ZNF644: variants seen among roughly 807,000 people sequenced by gnomAD.
ZNF644 encodes zinc finger protein 644.
Under a neutral mutation model 108.0 loss-of-function variants are expected in ZNF644, and 20 were observed. The observed-to-expected ratio is 0.19, with a 90% CI of 0.13 to 0.27. The LOEUF is 0.27. Ranked by LOEUF, ZNF644 falls within the 10% of genes least tolerant of loss-of-function variation. The pLI, the probability that ZNF644 is intolerant of heterozygous loss-of-function variation, is 1.00. For missense variants in ZNF644, 1,338 were observed against 1,548.9 expected (o/e 0.86, Z 2.29); for synonymous variants, 542 against 539.1 (o/e 1.01, Z -0.08).
At chr1:91,005,947 AAAAATC>A (rs1659381302) in intron 1 of ZNF644, among the ~76,000 whole-genome samples, 1 of 152,112 alleles carries the variant, frequency 6.6e-6, no homozygotes, top group South Asian at 2.1e-4. Context: ...TAGAGAAAAA[AAAAATC>A]AATCAACCCA....
chr1:90,919,066 AAAAC>A (rs1281209183), intron 4 of ZNF644, among the ~76,000 whole-genome samples: 1 of 152,114 alleles, frequency 6.6e-6, no homozygotes, highest in Non-Finnish European at 1.5e-5. Flanking sequence ...TATTTATTCT[AAAAC>A]AACCTGATTT....
chr1:90,932,762 T>G (rs188525875), intron 4 of ZNF644, among the ~76,000 whole-genome samples: 1,815 of 152,222 alleles, frequency 0.012, 39 homozygotes, highest in African/African-American at 0.042. Context: ...GCTCTACTGA[T>G]CAAGAAGATT....
At chr1:91,013,800 G>T (rs921288893) in intron 1 of ZNF644, among the ~76,000 whole-genome samples, 1 of 152,046 alleles carries the variant, frequency 6.6e-6, no homozygotes, top group African/African-American at 2.4e-5. Context: ...AATACTAACA[G>T]ATTTTGAAGA....
intron 1 of ZNF644, among the ~76,000 whole-genome samples, chr1:90,991,051 A>C (rs1462144275): frequency 6.6e-6 from 1 of 152,224 alleles, no homozygotes; most frequent in Admixed American, 6.5e-5. Flanking sequence ...ACTTTATTAC[A>C]TGTCAATTAT....
In ZNF644 at chr1:90,937,660, G is replaced by A; in HGVS notation, c.3513C>T (p.Leu1171=). 3 of 1,613,914 alleles carry A rather than the reference G, an allele frequency of 1.9e-6. No homozygotes were observed. Among genetic ancestry groups the A allele is most frequent in the African/African-American group, 1.3e-5 (1 of 75,028 alleles). Residue 1171 remains leucine, a synonymous_variant, in exon 4 of 6, where the codon CTC becomes CTT. Coordinates refer to ENST00000337393, the MANE Select transcript of ZNF644 (RefSeq NM_201269.3). ...TCCTTTTATTTTTAAGAAGTTCTAT[G>A]AGTGTAAGAGACTGATTCTTTTTCC... The part of the protein sequence containing the change: ...PSGKKNQSLT[L]IELLKNKRMG...
chr1:90,980,615 A>G (rs560266976), intron 2 of ZNF644, among the ~76,000 whole-genome samples: 2 of 152,336 alleles, frequency 1.3e-5, no homozygotes, highest in Non-Finnish European at 2.9e-5. Flanking sequence ...ATACAATGGA[A>G]TATTACTAAA....
intron 1 of ZNF644, among the ~76,000 whole-genome samples, chr1:90,992,028 TA>T (rs1367788829): frequency 6.6e-6 from 1 of 151,210 alleles, no homozygotes; most frequent in East Asian, 1.9e-4. Flanking sequence ...TACGTTGAGT[TA>T]AAAAAAAACT....
chr1:90,985,552 G>A (rs562357584), intron 1 of ZNF644, among the ~76,000 whole-genome samples: 5 of 152,196 alleles, frequency 3.3e-5, no homozygotes, highest in African/African-American at 7.2e-5. Context: ...GTTAGATTAC[G>A]TGGTGTTTGT....
At chr1:90,918,031 T>C (rs373860590) in intron 5 of ZNF644, 21 bp downstream of exon 5, 344 of 1,587,102 alleles carry the variant, frequency 2.2e-4, no homozygotes, top group Non-Finnish European at 2.8e-4. Context: ...ACTGATCAGA[T>C]TTGGCAATAT....
intron 1 of ZNF644, among the ~76,000 whole-genome samples, chr1:90,999,999 A>G (rs942183586): frequency 6.6e-6 from 1 of 152,250 alleles, no homozygotes. Flanking sequence ...TATCCTAAAT[A>G]TATATGCACC....
At chr1:91,011,210 C>T (rs759502303) in intron 1 of ZNF644, among the ~76,000 whole-genome samples, 5 of 152,062 alleles carry the variant, frequency 3.3e-5, no homozygotes, top group Non-Finnish European at 5.9e-5. Flanking sequence ...ATTATTTCTT[C>T]AAGACAAATA....
At chr1:91,010,252 T>C (rs1404775281) in intron 1 of ZNF644, among the ~76,000 whole-genome samples, 4 of 150,456 alleles carry the variant, frequency 2.7e-5, no homozygotes, top group Non-Finnish European at 4.4e-5. Flanking sequence ...TTTTTTTTTT[T>C]TTTCTGAGAC....
chr1:90,993,299 C>T (rs763512225), intron 1 of ZNF644, among the ~76,000 whole-genome samples: 1 of 151,612 alleles, frequency 6.6e-6, no homozygotes, highest in Non-Finnish European at 1.5e-5. Context: ...AAACTACAGC[C>T]AGCTCAATAT....
intron 4 of ZNF644, among the ~76,000 whole-genome samples, chr1:90,919,485 T>C (rs770729578): frequency 3.3e-5 from 5 of 152,118 alleles, no homozygotes; most frequent in Admixed American, 6.5e-5. Context: ...AAATGTCATA[T>C]AGAAAATTCA....
intron 1 of ZNF644, among the ~76,000 whole-genome samples, chr1:91,000,998 C>T (rs1359858739): frequency 6.6e-6 from 1 of 152,118 alleles, no homozygotes; most frequent in Non-Finnish European, 1.5e-5. Context: ...GAAGGTGAAT[C>T]CCTGAATAGA....
chr1:90,959,764 T>C (rs1483782704), intron 2 of ZNF644, among the ~76,000 whole-genome samples: 1 of 152,108 alleles, frequency 6.6e-6, no homozygotes, highest in Non-Finnish European at 1.5e-5. Context: ...TTTTATGGGG[T>C]GATGAAACAC....
chr1:90,918,038 AT>A lies in ZNF644; in HGVS notation c.3791+13del. Reference sequence around the variant, plus strand: ...ATGAAGAAACTGATCAGATTTGGCAATATAGGCATATACCTGCATCGGAGAA... The same window carrying A: ...ATGAAGAAACTGATCAGATTTGGCAAATAGGCATATACCTGCATCGGAGAA... On this transcript the variant is annotated intron_variant, in intron 5 of 5. Coordinates refer to ENST00000337393, the MANE Select transcript of ZNF644 (RefSeq NM_201269.3). 1 of 1,603,988 alleles carries A rather than the reference AT, an allele frequency of 6.2e-7. No homozygotes were observed. The highest frequency in any genetic ancestry group is 8.5e-7 in the Non-Finnish European group (1 of 1,170,824).
intron 4 of ZNF644, among the ~76,000 whole-genome samples, chr1:90,926,506 T>C (rs1650052717): frequency 6.6e-6 from 1 of 152,194 alleles, no homozygotes; most frequent in African/African-American, 2.4e-5. Context: ...GAAATAAAGC[T>C]CTCTTTTCCA....
chr1:90,985,032 CACAT>C (rs1350188985), intron 1 of ZNF644, among the ~76,000 whole-genome samples: 6 of 152,136 alleles, frequency 3.9e-5, no homozygotes, highest in South Asian at 4.1e-4. Context: ...AAACACCACA[CACAT>C]ACAAACTTTG....
Sources: allele counts gnomAD v4.1 joint callset (sites outside exome capture counted in the v4.1 genomes callset), GRCh38; gene constraint gnomAD v4.1.1; transcripts MANE v1.5; gene names NCBI Gene and HGNC (gene_info 2026-07-23, HGNC 2026-07-21).